DRD2: variants seen among roughly 807,000 people sequenced by gnomAD.
DRD2 encodes D(2) dopamine receptor.
A neutral mutation model predicts 38.0 loss-of-function variants in DRD2; 8 were observed. The ratio of observed to expected loss-of-function variants is 0.21; its 90% CI spans 0.12 to 0.38. DRD2 has a LOEUF of 0.38. DRD2 is among the 10% of genes least tolerant of loss of function. The probability of loss-of-function intolerance (pLI) is 1.00; values close to 1 mark genes in which losing one functional copy is unlikely to be tolerated. For missense variants in DRD2, 403 were observed against 607.7 expected (o/e 0.66, Z 3.54); for synonymous variants, 230 against 238.6 (o/e 0.96, Z 0.33).
Position 113,412,898 on chromosome 11 carries a change from G to C in DRD2, c.811-15C>G. ...CGGGCAGCCTCCTGCACCAGAGGCA[G>C]AGGGCTCTGGGTAAAGCCGGACAAG... On this transcript the variant is annotated splice_polypyrimidine_tract_variant and intron_variant, in intron 6 of 7. Transcript: ENST00000362072. 2 of 1,607,508 alleles carry C rather than the reference G, an allele frequency of 1.2e-6. No homozygotes were observed. Among genetic ancestry groups the C allele is most frequent in the South Asian group, 1.1e-5 (1 of 90,706 alleles).
intron 1 of DRD2, among the ~76,000 whole-genome samples, chr11:113,454,173 A>G (rs1359235648): frequency 6.6e-6 from 1 of 152,110 alleles, no homozygotes; most frequent in Non-Finnish European, 1.5e-5. Context: ...GAGCATTATT[A>G]TTTTTGGAGA....
chr11:113,413,862 C>T, intron 6 of DRD2: 1 of 230,842 alleles, frequency 4.3e-6, no homozygotes, highest in Non-Finnish European at 8.6e-6. Flanking sequence ...AGCTGCTCTG[C>T]TGCGTCCTAC....
intron 1 of DRD2, among the ~76,000 whole-genome samples, chr11:113,458,794 T>C (rs1171473461): frequency 2.0e-5 from 3 of 152,220 alleles, no homozygotes; most frequent in Admixed American, 2.0e-4. Flanking sequence ...AATATATTCA[T>C]TCCTTTATTT....
intron 1 of DRD2, among the ~76,000 whole-genome samples, chr11:113,464,250 C>T (rs951016528): frequency 4.6e-5 from 7 of 152,092 alleles, no homozygotes; most frequent in African/African-American, 1.7e-4. Flanking sequence ...TACTGCATGG[C>T]GGCAGCAGCC....
intron 4 of DRD2, among the ~76,000 whole-genome samples, chr11:113,416,030 A>G (rs1001650235): frequency 6.6e-6 from 1 of 152,220 alleles, no homozygotes; most frequent in Admixed American, 6.5e-5. Context: ...GCAGCAAGAT[A>G]ACTTGGCTCT....
chr11:113,410,497 G>A lies in DRD2; in HGVS notation c.*230C>T. The stretch of plus-strand genomic sequence containing the variant: ...GACTCTATGAGCTGCCCCTGAGCTG[G>A]GGGGCCCAGCCCCAGGGCTGGTACC... On this transcript the variant is annotated 3_prime_UTR_variant, in exon 8 of 8. Coordinates refer to ENST00000362072, the MANE Select transcript of DRD2 (RefSeq NM_000795.4). 1.6e-6 allele frequency: 1 copy of A among 611,332 alleles called. No homozygotes were observed. Among genetic ancestry groups the A allele is most frequent in the Non-Finnish European group, 2.9e-6 (1 of 343,090 alleles). The allele number at this position is 611,332 out of a possible 1,614,324, so 37.9% of individuals were successfully genotyped here.
chr11:113,448,309 G>T (rs369584942), intron 1 of DRD2, among the ~76,000 whole-genome samples: 1 of 152,156 alleles, frequency 6.6e-6, no homozygotes, highest in Non-Finnish European at 1.5e-5. Flanking sequence ...GCCGCTCCTT[G>T]GAAGGAACCA....
At chr11:113,416,670 C>G (rs1950830505) in intron 4 of DRD2, among the ~76,000 whole-genome samples, 193 bp downstream of exon 4, 1 of 152,230 alleles carries the variant, frequency 6.6e-6, no homozygotes, top group South Asian at 2.1e-4. Context: ...ACTGTTTCCT[C>G]TCTGCCAACC....
chr11:113,424,720 G>T, intron 1 of DRD2, 38 bp from the exon 2 acceptor site: 3 of 1,603,944 alleles, frequency 1.9e-6, no homozygotes, highest in Admixed American at 1.7e-5. Context: ...TCAGTGAGAG[G>T]GCCTCTTGCA....
chr11:113,458,281 T>C (rs1242338332), intron 1 of DRD2, among the ~76,000 whole-genome samples: 1 of 152,272 alleles, frequency 6.6e-6, no homozygotes, highest in African/African-American at 2.4e-5. Flanking sequence ...TGATAAATGC[T>C]GTTATCAGTA....
chr11:113,470,669 T>C (rs4938019), intron 1 of DRD2, among the ~76,000 whole-genome samples: 25,429 of 152,242 alleles, frequency 0.17, 2,490 homozygotes, highest in East Asian at 0.39. Flanking sequence ...CTATATTCAA[T>C]GCATATTTAA....
chr11:113,434,618 G>T (rs1050616266), intron 1 of DRD2, among the ~76,000 whole-genome samples: 2 of 152,172 alleles, frequency 1.3e-5, no homozygotes, highest in Admixed American at 1.3e-4. Context: ...GTGGGGATGT[G>T]GGGAGGTGGG....
At chr11:113,447,251 T>C (rs4245146) in intron 1 of DRD2, among the ~76,000 whole-genome samples, 75,175 of 152,108 alleles carry the variant, frequency 0.49, 20,286 homozygotes, top group East Asian at 0.82. Context: ...CTGCTGCTGC[T>C]GCCCTGGAAT....
rs1027227661 is a variant in DRD2 at position 113,412,874 on chromosome 11, G to A, written c.820C>T (p.Arg274Trp). The A allele has an allele frequency of 1.2e-6, 2 of 1,611,222 alleles. No homozygotes were observed. Among genetic ancestry groups the A allele is most frequent in the Non-Finnish European group, 1.7e-6 (2 of 1,179,758 alleles). The part of the protein sequence containing the change: ...PVNRRRVEAA[R>W]RAQELEMEML... ...TCCATCTCCAGCTCCTGGGCTCGCCGGGCAGCCTCCTGCACCAGAGGCAGA... is the reference window on the plus strand; with the variant it reads ...TCCATCTCCAGCTCCTGGGCTCGCCAGGCAGCCTCCTGCACCAGAGGCAGA... The change falls in exon 7 of 8, where the codon CGG becomes TGG. Residue 274 changes from arginine to tryptophan, a missense_variant. Around this residue, in one of 4 missense-constraint regions of DRD2, gnomAD observed 166 missense variants for 178.6 expected, o/e 0.93. Coordinates refer to ENST00000362072, the MANE Select transcript of DRD2 (RefSeq NM_000795.4).
In DRD2 at chr11:113,416,888, T is replaced by C. The variant is rs1373895450; in HGVS notation, c.507A>G (p.Pro169=). ...VWVLSFTISC[P]LLFGLNNADQ... is the part of the protein sequence containing the mutation. The stretch of plus-strand genomic sequence containing the variant: ...CTGCGTTATTGAGTCCGAAGAGGAG[T>C]GGGCAGGAGATGGTGAAGGACAGGA... Residue 169 remains proline (P), a synonymous_variant, in exon 4 of 8, where the codon CCA becomes CCG. Coordinates refer to ENST00000362072, the MANE Select transcript of DRD2 (RefSeq NM_000795.4). The C allele has an allele frequency of 1.2e-6, 2 of 1,613,790 alleles. No homozygotes were observed. The highest frequency in any genetic ancestry group is 1.1e-5 in the South Asian group (1 of 91,046).
At chr11:113,416,198 C>T (rs1203621307) in intron 4 of DRD2, among the ~76,000 whole-genome samples, 1 of 152,226 alleles carries the variant, frequency 6.6e-6, no homozygotes, top group Non-Finnish European at 1.5e-5. Context: ...ATAATAGATA[C>T]CGAACCACAC....
intron 2 of DRD2, among the ~76,000 whole-genome samples, chr11:113,422,995 T>A (rs188558294): frequency 1.3e-5 from 2 of 152,290 alleles, no homozygotes; most frequent in Admixed American, 1.3e-4. Flanking sequence ...GGCACTTTCC[T>A]AAATGCCTGA....
chr11:113,464,662 T>C (rs939871027), intron 1 of DRD2, among the ~76,000 whole-genome samples: 1 of 152,174 alleles, frequency 6.6e-6, no homozygotes, highest in Non-Finnish European at 1.5e-5. Flanking sequence ...CTCTCTGAGG[T>C]TACAAATTTA....
chr11:113,415,711 T>G (rs996167884), intron 4 of DRD2, 100 bp from the exon 5 acceptor site: 8 of 1,348,938 alleles, frequency 5.9e-6, no homozygotes, highest in Non-Finnish European at 8.2e-6. Context: ...AGGAGCGATT[T>G]TACAGAGAAT....
Sources: allele counts gnomAD v4.1 joint callset (sites outside exome capture counted in the v4.1 genomes callset), GRCh38; gene constraint gnomAD v4.1.1; regional missense constraint gnomAD v4.1.1; transcripts MANE v1.5; gene names NCBI Gene and HGNC (gene_info 2026-07-23, HGNC 2026-07-21).